PTPRJ: variants seen among roughly 807,000 people sequenced by gnomAD.
The protein encoded by PTPRJ is receptor-type tyrosine-protein phosphatase eta.
In PTPRJ, 129 loss-of-function variants were observed where a neutral mutation model predicts 141.3. That is an observed-to-expected ratio of 0.91 (90% CI 0.79 to 1.06). The LOEUF (loss-of-function observed/expected upper bound fraction) is 1.06, where lower values mean the gene tolerates loss of function less well. Among genes scored for constraint, PTPRJ ranks in the 50% least tolerant of loss-of-function variants. The probability of loss-of-function intolerance (pLI) is 0.00; values close to 1 mark genes in which losing one functional copy is unlikely to be tolerated. For synonymous variants in PTPRJ, 610 were observed against 640.5 expected (o/e 0.95, Z 0.72); for missense variants, 1,601 against 1,679.7 (o/e 0.95, Z 0.82).
chr11:48,026,294 C>A (rs1853808714), intron 1 of PTPRJ, among the ~76,000 whole-genome samples: 1 of 152,118 alleles, frequency 6.6e-6, no homozygotes, highest in South Asian at 2.1e-4. Flanking sequence ...TGCTTAAGGT[C>A]TTTGGTAAGC....
Position 48,112,916 on chromosome 11 carries a change from T to C in PTPRJ, c.285T>C (p.Ser95=). 6.2e-7 allele frequency: 1 copy of C among 1,614,142 alleles called. No individual in the cohort carries two copies. Residue 95 remains serine, a synonymous_variant, in exon 3 of 25, where the codon AGT becomes AGC. Transcript: ENST00000418331. ...GTGAAAGCTCTGGAGCCAACGATAG[T>C]TTAAGAACACCTGAACAAGGATCTA... is the stretch of plus-strand genomic sequence containing the variant. ...EDGESSGAND[S]LRTPEQGSNG...
intron 1 of PTPRJ, among the ~76,000 whole-genome samples, chr11:48,106,346 C>G (rs191742631): frequency 1.4e-4 from 21 of 152,144 alleles, no homozygotes; most frequent in Non-Finnish European, 2.9e-4. Flanking sequence ...CCTGGAGCTT[C>G]AAGAAATGAA....
chr11:48,040,378 A>G (rs529691754), intron 1 of PTPRJ, among the ~76,000 whole-genome samples: 1 of 152,320 alleles, frequency 6.6e-6, no homozygotes, highest in African/African-American at 2.4e-5. Context: ...CTCCTTATGT[A>G]CACAGCTTTG....
intron 3 of PTPRJ, among the ~76,000 whole-genome samples, chr11:48,118,389 A>G (rs913486095): frequency 4.6e-5 from 7 of 152,174 alleles, no homozygotes; most frequent in African/African-American, 1.7e-4. Flanking sequence ...TCCTCTGCCA[A>G]ACCTTTAAAG....
chr11:48,100,863 C>T (rs1231087842), intron 1 of PTPRJ, among the ~76,000 whole-genome samples: 1 of 130,404 alleles, frequency 7.7e-6, no homozygotes, highest in East Asian at 2.2e-4. Context: ...GCCTAGGCAA[C>T]AAGAGCAAAA....
intron 1 of PTPRJ, among the ~76,000 whole-genome samples, chr11:48,094,360 G>A (rs1239557686): frequency 6.6e-6 from 1 of 152,160 alleles, no homozygotes; most frequent in East Asian, 1.9e-4. Flanking sequence ...AAGTCATTTT[G>A]TCAAGCTAAC....
intron 1 of PTPRJ, among the ~76,000 whole-genome samples, chr11:48,087,110 C>T (rs1370904163): frequency 1.3e-5 from 2 of 152,128 alleles, no homozygotes; most frequent in African/African-American, 2.4e-5. Flanking sequence ...TATTCTAAAA[C>T]TAAAATGCTT....
rs1421867018 is a variant in PTPRJ, at chr11:48,158,427, CCTGT to C, written c.3439-1502_3439-1499del. Among the ~76,000 whole-genome samples the C allele has an allele frequency of 1.3e-5, 2 of 151,860 alleles. No homozygotes were observed. Among genetic ancestry groups the C allele is most frequent in the African/African-American group, 2.4e-5 (1 of 41,308 alleles). On this transcript the variant is annotated intron_variant, in intron 21 of 24. Transcript: ENST00000418331. This position sits in a 1 kb window ranked among gnomAD's most constrained non-coding sequence, Gnocchi z 4.4. Reference sequence around the variant, plus strand: ...TATGTTATTTTTTTTCTGTAACAACCCTGTGAGGTATTATGATTTCATAGATGAG... The same window carrying C: ...TATGTTATTTTTTTTCTGTAACAACCGAGGTATTATGATTTCATAGATGAG...
intron 1 of PTPRJ, among the ~76,000 whole-genome samples, chr11:48,013,738 G>T (rs1268675244): frequency 6.6e-6 from 1 of 152,096 alleles, no homozygotes; most frequent in Non-Finnish European, 1.5e-5. Context: ...TTGGCTTAGT[G>T]AGCCAAGCAG....
chr11:48,009,265 T>G (rs1854710425), intron 1 of PTPRJ, among the ~76,000 whole-genome samples: 1 of 152,162 alleles, frequency 6.6e-6, no homozygotes, highest in Admixed American at 6.6e-5. Flanking sequence ...TATAAGAAAT[T>G]TAAAGACGCG....
At chr11:48,147,056 A>G in intron 15 of PTPRJ, 93 bp downstream of exon 15, 1 of 1,049,762 alleles carries the variant, frequency 9.5e-7, no homozygotes, top group Non-Finnish European at 1.5e-6. Flanking sequence ...AGAAGGAATG[A>G]TATGATGAGC....
chr11:48,101,911 A>G (rs1023398651), intron 1 of PTPRJ, among the ~76,000 whole-genome samples: 3 of 152,112 alleles, frequency 2.0e-5, no homozygotes, highest in African/African-American at 7.2e-5. Context: ...TTCATGAGTG[A>G]GGAGAAAAGG....
Position 48,145,130 on chromosome 11 carries a change from G to C in PTPRJ, c.2911+6G>C. The C allele has an allele frequency of 1.2e-6, 2 of 1,613,712 alleles. No individual in the cohort carries two copies. Among genetic ancestry groups the C allele is most frequent in the Non-Finnish European group, 1.7e-6 (2 of 1,179,978 alleles). On this transcript the variant is annotated splice_donor_region_variant and intron_variant, in intron 14 of 24. Coordinates refer to ENST00000418331, the MANE Select transcript of PTPRJ (RefSeq NM_002843.4). The stretch of plus-strand genomic sequence containing the variant: ...TTCCTTGCCCCAGGATCCAGGTAGG[G>C]AGAAGACAACAGTCCTGGCACTGGT...
intron 1 of PTPRJ, chr11:48,044,921 A>G (rs2134239850): frequency 6.6e-6 from 1 of 152,328 alleles, no homozygotes; most frequent in East Asian, 1.9e-4. Flanking sequence ...GGTGTTGGGG[A>G]TGATCTCTTT....
intron 7 of PTPRJ, among the ~76,000 whole-genome samples, chr11:48,129,177 G>A (rs973410364): frequency 3.9e-5 from 6 of 152,208 alleles, no homozygotes; most frequent in African/African-American, 1.2e-4. Context: ...TGGGAATTGA[G>A]GTTTTGCAGA....
intron 1 of PTPRJ, among the ~76,000 whole-genome samples, chr11:48,092,490 C>T (rs12789067): frequency 1.3e-5 from 2 of 151,118 alleles, no homozygotes; most frequent in African/African-American, 2.4e-5. Flanking sequence ...AGTGCAGTGG[C>T]GAGATCTTGG....
rs561357027 is a variant in PTPRJ at position 47,983,675 on chromosome 11, A to G, written c.96+2667A>G. Among the ~76,000 whole-genome samples, 4 of 152,272 alleles carry G rather than the reference A, an allele frequency of 2.6e-5. No homozygotes were observed. In the South Asian group the frequency reaches 8.3e-4, roughly 32 times the overall value. The stretch of plus-strand genomic sequence containing the variant: ...TCCCATTCTCATAGCAGTTTTGCAC[A>G]GTAGTTTTGGTTTGTGTGTATGTTT... On this transcript the variant is annotated intron_variant, in intron 1 of 24. Coordinates refer to ENST00000418331, the MANE Select transcript of PTPRJ (RefSeq NM_002843.4).
In PTPRJ at chr11:47,980,802, C is replaced by CGGA. The variant is rs1165788186; in HGVS notation, c.-102_-100dup. On this transcript the variant is annotated 5_prime_UTR_variant, in exon 1 of 25. Coordinates refer to ENST00000418331, the MANE Select transcript of PTPRJ (RefSeq NM_002843.4). ...AGCGGGGACGAGGCGGACCGGCTGG[C>CGGA]GGAGGAGGAGGCGAAGGAGACGGCA... 82 of 1,039,660 alleles carry CGGA rather than the reference C, an allele frequency of 7.9e-5. No homozygotes were observed. Among genetic ancestry groups the CGGA allele is most frequent in the Non-Finnish European group, 5.9e-5 (51 of 867,700 alleles). 64.4% of individuals were successfully genotyped at this position (1,039,660 alleles called of 1,614,324 possible).
chr11:48,113,206 G>A (rs1856483159), intron 3 of PTPRJ, among the ~76,000 whole-genome samples: 1 of 152,114 alleles, frequency 6.6e-6, no homozygotes, highest in Non-Finnish European at 1.5e-5. Context: ...TGATATACGA[G>A]TTTTATAATT....
Sources: allele counts gnomAD v4.1 joint callset (sites outside exome capture counted in the v4.1 genomes callset), GRCh38; gene constraint gnomAD v4.1.1; non-coding constraint Gnocchi (gnomAD v3.1); transcripts MANE v1.5; gene names NCBI Gene and HGNC (gene_info 2026-07-23, HGNC 2026-07-21).